PEX11G: variants seen among roughly 807,000 people sequenced by gnomAD.
The protein encoded by PEX11G is peroxisomal membrane protein 11C.
Under a neutral mutation model 22.5 loss-of-function variants are expected in PEX11G, and 20 were observed. The observed-to-expected ratio is 0.89, with a 90% CI of 0.62 to 1.29. PEX11G has a LOEUF of 1.29. Among genes scored for constraint, PEX11G ranks in the 50% most tolerant of loss-of-function variants. The probability of loss-of-function intolerance (pLI) is 0.00; values close to 1 mark genes in which losing one functional copy is unlikely to be tolerated. For synonymous variants in PEX11G, 141 were observed against 154.5 expected (o/e 0.91, Z 0.65); for missense variants, 347 against 331.3 (o/e 1.05, Z -0.37).
intron 1 of PEX11G, among the ~76,000 whole-genome samples, chr19:7,487,320 G>A (rs1474150573): frequency 6.6e-6 from 1 of 152,194 alleles, no homozygotes; most frequent in Non-Finnish European, 1.5e-5. Flanking sequence ...CAGGTGATCA[G>A]GCCTCAACCC....
At chr19:7,490,777 A>G (rs1045396792), upstream of PEX11G, among the ~76,000 whole-genome samples, 1 of 144,236 alleles carries the variant, frequency 6.9e-6, no homozygotes, top group African/African-American at 2.6e-5. Context: ...AGCTTGCTAC[A>G]TTCTGCCCCA....
At chr19:7,484,128 G>A (rs766200024) in intron 2 of PEX11G, among the ~76,000 whole-genome samples, 13 of 152,160 alleles carry the variant, frequency 8.5e-5, no homozygotes, top group Admixed American at 2.6e-4. Context: ...GGCGGGGCAG[G>A]TGGATCACTT....
In PEX11G at chr19:7,477,190, C is replaced by T. The variant is rs1977253022; in HGVS notation, c.*12G>A. On this transcript the variant is annotated 3_prime_UTR_variant, in exon 5 of 5. Coordinates refer to ENST00000221480, the MANE Select transcript of PEX11G (RefSeq NM_080662.4). Reference sequence around the variant, plus strand: ...TGGGCTCTGGCTGTGTCCCTGTGCTCTTCCGGCAGTGTCAGGGGGTAGTGG... The same window carrying T: ...TGGGCTCTGGCTGTGTCCCTGTGCTTTTCCGGCAGTGTCAGGGGGTAGTGG... 6.8e-7 allele frequency: 1 copy of T among 1,465,318 alleles called. No individual in the cohort carries two copies. The highest frequency in any genetic ancestry group is 1.4e-5 in the South Asian group (1 of 69,480). The allele number at this position is 1,465,318 out of a possible 1,614,324, so 90.8% of individuals were successfully genotyped here.
At chr19:7,485,066 A>G (rs2021575025) in intron 2 of PEX11G, among the ~76,000 whole-genome samples, 1 of 152,136 alleles carries the variant, frequency 6.6e-6, no homozygotes, top group African/African-American at 2.4e-5. Flanking sequence ...CTAAGGCGGG[A>G]GGACCACCTG....
chr19:7,476,890 TTTAA>T lies in PEX11G; in HGVS notation c.*308_*311del, dbSNP rs1977240845. On this transcript the variant is annotated 3_prime_UTR_variant, in exon 5 of 5. Coordinates refer to ENST00000221480, the MANE Select transcript of PEX11G (RefSeq NM_080662.4). ...TGAGCCAGGCGCCAGCACCACAATG[TTTAA>T]TTGATTCCCGTTCCAGCTTTCTCAA... is the stretch of plus-strand genomic sequence containing the variant. The T allele has an allele frequency of 1.8e-5, 6 of 336,230 alleles. No homozygotes were observed. Among genetic ancestry groups the T allele is most frequent in the African/African-American group, 1.1e-4 (5 of 47,172 alleles). 20.8% of individuals were successfully genotyped at this position (336,230 alleles called of 1,614,324 possible).
upstream of PEX11G, among the ~76,000 whole-genome samples, chr19:7,492,667 C>T (rs543211515): frequency 6.6e-6 from 1 of 152,266 alleles, no homozygotes; most frequent in Non-Finnish European, 1.5e-5. Context: ...GTCTCCAACT[C>T]CTGATCTCAA....
chr19:7,485,474 GCCT>G (rs1276707163), intron 2 of PEX11G, among the ~76,000 whole-genome samples: 3 of 152,134 alleles, frequency 2.0e-5, no homozygotes, highest in Non-Finnish European at 4.4e-5. Flanking sequence ...TCCTGCCTCA[GCCT>G]CCTGAGTAGC....
upstream of PEX11G, among the ~76,000 whole-genome samples, chr19:7,490,480 C>G (rs1214530470): frequency 7.1e-6 from 1 of 140,820 alleles, no homozygotes; most frequent in Non-Finnish European, 1.5e-5. Context: ...CCCGCCACCA[C>G]GCCTGGGTAA....
intron 3 of PEX11G, among the ~76,000 whole-genome samples, 158 bp from the exon 4 acceptor site, chr19:7,478,534 G>A (rs886556813): frequency 6.6e-6 from 1 of 152,234 alleles, no homozygotes; most frequent in African/African-American, 2.4e-5. Context: ...TCCTGGCTGT[G>A]CCTCATGCTC....
At chr19:7,492,188 CT>C (rs2021902116), upstream of PEX11G, among the ~76,000 whole-genome samples, 1 of 152,114 alleles carries the variant, frequency 6.6e-6, no homozygotes, top group African/African-American at 2.4e-5. Flanking sequence ...GGGTCTATAC[CT>C]AGAAGTGGGG....
rs546606997 is a variant in PEX11G, at chr19:7,476,901, C to T, written c.*301G>A. 8.5e-5 allele frequency: 31 copies of T among 364,008 alleles called. No homozygotes were observed. The East Asian group carries it at 1.2e-3, about 14-fold the overall frequency. The allele number at this position is 364,008 out of a possible 1,614,324, so 22.5% of individuals were successfully genotyped here. On this transcript the variant is annotated 3_prime_UTR_variant, in exon 5 of 5. Coordinates refer to ENST00000221480, the MANE Select transcript of PEX11G (RefSeq NM_080662.4). ...CCAGCACCACAATGTTTAATTGATT[C>T]CCGTTCCAGCTTTCTCAAGGCACGA...
chr19:7,491,263 A>ATTTTTTTTT (rs58509062), upstream of PEX11G: 2 of 87,754 alleles, frequency 2.3e-5, no homozygotes, highest in Admixed American at 1.4e-4. Context: ...CCACTTCTTG[A>ATTTTTTTTT]TTTTTTTTTT....
Position 7,476,986 on chromosome 19 carries a change from G to A in PEX11G, c.*216C>T. ...AGACGCCAGCTGGCAGGCAGGAGGT[G>A]CTGCTGAAGCCCTGCACGGCCCCTG... On this transcript the variant is annotated 3_prime_UTR_variant, in exon 5 of 5. Coordinates refer to ENST00000221480, the MANE Select transcript of PEX11G (RefSeq NM_080662.4). 1 of 415,914 alleles carries A rather than the reference G, an allele frequency of 2.4e-6. No homozygotes were observed. The highest frequency in any genetic ancestry group is 4.2e-6 in the Non-Finnish European group (1 of 237,500). 25.8% of individuals were successfully genotyped at this position (415,914 alleles called of 1,614,324 possible).
At chr19:7,489,248 C>T, upstream of PEX11G, 2 of 1,236,040 alleles carry the variant, frequency 1.6e-6, no homozygotes, top group Non-Finnish European at 2.0e-6. Flanking sequence ...GCATTCTGCC[C>T]CACGGCGGTT....
chr19:7,489,038 C>T (rs774230715), upstream of PEX11G: 16 of 1,493,734 alleles, frequency 1.1e-5, no homozygotes, highest in Admixed American at 2.7e-4. Context: ...ACCGCGACGT[C>T]GGCGCGCCGC....
chr19:7,490,719 C>T (rs1765793056), upstream of PEX11G, among the ~76,000 whole-genome samples: 1 of 140,772 alleles, frequency 7.1e-6, no homozygotes, highest in Non-Finnish European at 1.5e-5. Flanking sequence ...AGATGTGAAG[C>T]CGCCACTTGT....
rs1315141977 is a variant in PEX11G, at chr19:7,478,296, G to T, written c.491+18C>A. 2.5e-6 allele frequency: 4 copies of T among 1,608,418 alleles called. No homozygotes were observed. The highest frequency in any genetic ancestry group is 3.4e-6 in the Non-Finnish European group (4 of 1,178,780). On this transcript the variant is annotated intron_variant, in intron 4 of 4. Coordinates refer to ENST00000221480, the MANE Select transcript of PEX11G (RefSeq NM_080662.4). ...TGGAGGGAGTGGGCCTCCCTGCTGG[G>T]TGATCACGGGCTCCTACCTGGTGAA...
At chr19:7,488,691 C>T (rs1488277912) in intron 1 of PEX11G, among the ~76,000 whole-genome samples, 1 of 152,226 alleles carries the variant, frequency 6.6e-6, no homozygotes, top group Admixed American at 6.5e-5. Context: ...GTCCCAGCTA[C>T]TCGGGAGTGC....
At position 7,482,039 on chromosome 19, in the gene PEX11G, AC is replaced by A; in HGVS notation, c.421del (p.Val141LeufsTer9). The A allele has an allele frequency of 6.3e-7, 1 of 1,596,168 alleles. No homozygotes were observed. The highest frequency in any genetic ancestry group is 1.7e-5 in the Admixed American group (1 of 57,348). On this transcript the variant is annotated frameshift_variant, in exon 3 of 5. Coordinates refer to ENST00000221480, the MANE Select transcript of PEX11G (RefSeq NM_080662.4). LOFTEE classifies it high-confidence loss of function. ...TCTGGCCCATGCCACTTACCTGGCA[AC>A]CCCCAGGAGCAGAGAGAGGGCCCAC... Reference protein sequence around the residue: ...TLWALSLLLGVARSLWMLLKL... With the variant: ...TLWALSLLLGXARSLWMLLKL...
Sources: allele counts gnomAD v4.1 joint callset (sites outside exome capture counted in the v4.1 genomes callset), GRCh38; gene constraint gnomAD v4.1.1; transcripts MANE v1.5; gene names NCBI Gene and HGNC (gene_info 2026-07-23, HGNC 2026-07-21).